The following CACNA1B variants were observed in gnomAD, a reference collection of about 807,000 sequenced individuals.
The protein encoded by CACNA1B is calcium voltage-gated channel subunit alpha1 B, also known as voltage-dependent N-type calcium channel subunit alpha-1B.
CACNA1B carries 70 observed loss-of-function variants against 247.2 expected under a neutral mutation model. That is an observed-to-expected ratio of 0.28 (90% confidence interval 0.23 to 0.35). CACNA1B has a LOEUF of 0.35. Among genes scored for constraint, CACNA1B ranks in the 10% least tolerant of loss-of-function variants. The probability of loss-of-function intolerance (pLI) is 1.00; values close to 1 mark genes in which losing one functional copy is unlikely to be tolerated. For missense variants in CACNA1B, 2,367 were observed against 3,197.4 expected (o/e 0.74, Z 6.26); for synonymous variants, 1,231 against 1,294.4 (o/e 0.95, Z 1.05).
Position 138,028,591 on chromosome 9 carries a change from A to C in CACNA1B, c.3286+3419A>C, listed in dbSNP as rs540074696. Among the ~76,000 whole-genome samples the C allele has an allele frequency of 3.3e-5, 5 of 152,346 alleles. No individual in the cohort carries two copies. The South Asian group carries it at 8.3e-4, about 25-fold the overall frequency. ...CTTACTGTGAACAAAAGTTCTCTGA[A>C]AAGGAGTTTGGAGGAAACAGGCTTT... On this transcript the variant is annotated intron_variant, in intron 20 of 46. Transcript: ENST00000371372.
intron 18 of CACNA1B, among the ~76,000 whole-genome samples, chr9:138,021,194 G>T (rs1958841003): frequency 6.6e-6 from 1 of 152,182 alleles, no homozygotes; most frequent in Non-Finnish European, 1.5e-5. Flanking sequence ...TGGGTCAGTT[G>T]TAGGGCACCC....
chr9:138,088,172 C>T (rs1022822344), intron 36 of CACNA1B, among the ~76,000 whole-genome samples: 4 of 152,022 alleles, frequency 2.6e-5, no homozygotes, highest in African/African-American at 9.7e-5. Context: ...AGTTCAAGAC[C>T]AGCCTGGCCA....
At chr9:137,967,640 C>T (rs1958095458) in intron 10 of CACNA1B, among the ~76,000 whole-genome samples, 1 of 152,196 alleles carries the variant, frequency 6.6e-6, no homozygotes, top group Non-Finnish European at 1.5e-5. Context: ...CTCAGGTGCC[C>T]TTCCTTGTTC....
At chr9:137,925,026 C>T (rs910932269) in intron 6 of CACNA1B, among the ~76,000 whole-genome samples, 3 of 152,188 alleles carry the variant, frequency 2.0e-5, no homozygotes, top group Non-Finnish European at 2.9e-5. Flanking sequence ...GGCTCTTGTC[C>T]GACCCGTGTC....
chr9:137,932,119 AGTCT>A (rs1270221457), intron 6 of CACNA1B, among the ~76,000 whole-genome samples: 1 of 152,152 alleles, frequency 6.6e-6, no homozygotes, highest in African/African-American at 2.4e-5. Context: ...GCTGCCAAGG[AGTCT>A]GTCTGATTTT....
intron 31 of CACNA1B, among the ~76,000 whole-genome samples, chr9:138,063,587 A>G (rs1339341635): frequency 6.6e-6 from 1 of 152,240 alleles, no homozygotes; most frequent in African/African-American, 2.4e-5. Context: ...TGTGGATACA[A>G]ACTGCTTCTG....
chr9:138,006,685 C>T, intron 15 of CACNA1B, 82 bp from the exon 16 acceptor site: 1 of 762,922 alleles, frequency 1.3e-6, no homozygotes, highest in East Asian at 2.6e-5. Flanking sequence ...TGGCGGTGCA[C>T]ATGCACTCAT....
chr9:137,922,945 C>T (rs1957503960), intron 6 of CACNA1B, among the ~76,000 whole-genome samples: 2 of 152,154 alleles, frequency 1.3e-5, no homozygotes, highest in Admixed American at 6.5e-5. Context: ...CCTGCCCTCG[C>T]CCCCTCCTTA....
intron 20 of CACNA1B, among the ~76,000 whole-genome samples, chr9:138,042,279 G>C (rs985137633): frequency 6.6e-5 from 10 of 152,176 alleles, no homozygotes; most frequent in African/African-American, 2.2e-4. Flanking sequence ...GTGAAACCCT[G>C]TCTGTACTAA....
At chr9:138,027,342 A>C (rs1250071738) in intron 20 of CACNA1B, among the ~76,000 whole-genome samples, 1 of 152,176 alleles carries the variant, frequency 6.6e-6, no homozygotes, top group African/African-American at 2.4e-5. Flanking sequence ...TTGATTATGT[A>C]TCCTGCTACT....
rs765214780 is a variant in CACNA1B, at chr9:138,051,247, G to A, written c.3711-845G>A. 1.3e-5 allele frequency among the ~76,000 whole-genome samples: 2 copies of A among 152,012 alleles called. No homozygotes were observed. Among genetic ancestry groups the A allele is most frequent in the Non-Finnish European group, 2.9e-5 (2 of 68,022 alleles). On this transcript the variant is annotated intron_variant, in intron 24 of 46. Transcript: ENST00000371372. The surrounding 1 kb of genome is among the most constrained non-coding windows in gnomAD (Gnocchi z 4.3). ...GTCCCCAGAACCTGCTAATTCCTGC[G>A]TCCCTGACAGGTAGAGGCAGCTGCC...
intron 20 of CACNA1B, among the ~76,000 whole-genome samples, chr9:138,043,468 C>T (rs542369584): frequency 1.9e-4 from 29 of 152,226 alleles, no homozygotes; most frequent in South Asian, 1.9e-3. Flanking sequence ...GGCTTCTCAG[C>T]GCATCGAGGC....
chr9:137,878,654 G>T (rs1040948501), intron 1 of CACNA1B, among the ~76,000 whole-genome samples: 1 of 152,168 alleles, frequency 6.6e-6, no homozygotes, highest in Non-Finnish European at 1.5e-5. Context: ...ATGTTCACGT[G>T]CCTGTGTAGG....
chr9:138,065,002 T>G (rs1959865271), intron 31 of CACNA1B, among the ~76,000 whole-genome samples: 1 of 152,224 alleles, frequency 6.6e-6, no homozygotes, highest in Non-Finnish European at 1.5e-5. Flanking sequence ...TTTGGTCCTA[T>G]GCTCAGCATC....
At chr9:137,893,092 T>C (rs1957125821) in intron 3 of CACNA1B, among the ~76,000 whole-genome samples, 1 of 152,088 alleles carries the variant, frequency 6.6e-6, no homozygotes, top group Non-Finnish European at 1.5e-5. Flanking sequence ...TCCCAGGAGG[T>C]GCCTTTACTC....
chr9:137,888,949 C>T lies in CACNA1B; in HGVS notation c.530+6066C>T, dbSNP rs12156560. On this transcript the variant is annotated intron_variant, in intron 3 of 46. Transcript: ENST00000371372. This position sits in a 1 kb window ranked among gnomAD's most constrained non-coding sequence, Gnocchi z 4.7. ...AGTGTGCGGCTCAGGGATGACCTGACGCTGTGTCTGAAAACAGGTGACAGC... is the reference window on the plus strand; with the variant it reads ...AGTGTGCGGCTCAGGGATGACCTGATGCTGTGTCTGAAAACAGGTGACAGC... 1.4e-5 allele frequency among the ~76,000 whole-genome samples: 2 copies of T among 141,482 alleles called. No homozygotes were observed. The highest frequency in any genetic ancestry group is 3.3e-5 in the Non-Finnish European group (2 of 61,444). 92.8% of individuals were successfully genotyped at this position (141,482 alleles called of 152,430 possible). A position where few individuals can be genotyped will look rare whatever the true frequency, so the allele number is the denominator to read the frequency against.
At chr9:138,070,625 T>C (rs1589110403) in intron 32 of CACNA1B, among the ~76,000 whole-genome samples, 3 of 152,340 alleles carry the variant, frequency 2.0e-5, no homozygotes, top group South Asian at 4.1e-4. Context: ...CGATTCACAA[T>C]TGGAGCAGAA....
At chr9:138,096,445 GGT>G in intron 36 of CACNA1B, 37 bp from the exon 37 acceptor site, 1 of 1,598,338 alleles carries the variant, frequency 6.3e-7, no homozygotes, top group Non-Finnish European at 8.6e-7. Context: ...GGCAGGCTGA[GGT>G]CTCTCTCCGT....
At chr9:137,975,212 C>T (rs990828402) in intron 11 of CACNA1B, among the ~76,000 whole-genome samples, 1 of 152,142 alleles carries the variant, frequency 6.6e-6, no homozygotes, top group African/African-American at 2.4e-5. Flanking sequence ...CTTCTGAGCC[C>T]AAGACAGCCC....
Sources: allele counts gnomAD v4.1 joint callset (sites outside exome capture counted in the v4.1 genomes callset), GRCh38; gene constraint gnomAD v4.1.1; non-coding constraint Gnocchi (gnomAD v3.1); transcripts MANE v1.5; gene names NCBI Gene and HGNC (gene_info 2026-07-23, HGNC 2026-07-21).